USH2A: variants seen among roughly 807,000 people sequenced by gnomAD.
USH2A encodes usherin.
USH2A carries 443 observed loss-of-function variants against 538.9 expected under a neutral mutation model. The ratio of observed to expected loss-of-function variants is 0.82; its 90% CI spans 0.76 to 0.89. USH2A has a LOEUF of 0.89. USH2A is among the 40% of genes least tolerant of loss of function. The pLI, the probability that USH2A is intolerant of heterozygous loss-of-function variation, is 0.00. For missense variants in USH2A, 6,633 were observed against 6,324.8 expected (o/e 1.05, Z -1.65); for synonymous variants, 2,413 against 2,273.5 (o/e 1.06, Z -1.75).
intron 21 of USH2A, among the ~76,000 whole-genome samples, chr1:216,155,882 T>G (rs1481151462): frequency 2.0e-5 from 3 of 152,170 alleles, no homozygotes; most frequent in Non-Finnish European, 4.4e-5. Context: ...TTTGCAGACA[T>G]TCTATAAATA....
chr1:216,051,128 TTC>T lies in USH2A; in HGVS notation c.6050-2483_6050-2482del, dbSNP rs541995407. Among the ~76,000 whole-genome samples the T allele has an allele frequency of 8.3e-4, 126 of 152,270 alleles. 1 individual carries two copies. The Middle Eastern group carries it at 0.014, about 16-fold the overall frequency. On this transcript the variant is annotated intron_variant, in intron 30 of 71. Coordinates refer to ENST00000307340, the MANE Select transcript of USH2A (RefSeq NM_206933.4). ...TCTCAAGATTGGGTTGTTGTCAAGC[TTC>T]TTTCTTTTTCTAAACACTCGCCTTT...
intron 9 of USH2A, among the ~76,000 whole-genome samples, chr1:216,309,473 T>C (rs528418476): frequency 2.6e-5 from 4 of 152,256 alleles, no homozygotes; most frequent in African/African-American, 4.8e-5. Flanking sequence ...TTTGTTGTGA[T>C]TGTTTATTTA....
At chr1:216,297,572 A>C (rs529902959) in intron 9 of USH2A, among the ~76,000 whole-genome samples, 4 of 152,252 alleles carry the variant, frequency 2.6e-5, no homozygotes, top group African/African-American at 9.6e-5. Context: ...AGAGGGGTAA[A>C]AATCCAACAG....
rs189269637 is a variant in USH2A, at chr1:216,127,243, G to A, written c.4628-30030C>T. On this transcript the variant is annotated intron_variant, in intron 21 of 71. Coordinates refer to ENST00000307340, the MANE Select transcript of USH2A (RefSeq NM_206933.4). ...AAGCTATGCTCAAGTTCTTCTTAAC[G>A]GCATTAGAATTGACAATGGCCAAAC... Among the ~76,000 whole-genome samples, 544 of 152,264 alleles carry A rather than the reference G, an allele frequency of 3.6e-3. 1 individual carries two copies. The highest frequency in any genetic ancestry group is 4.6e-3 in the Admixed American group (71 of 15,290).
intron 9 of USH2A, among the ~76,000 whole-genome samples, chr1:216,318,809 C>T (rs1409419271): frequency 6.6e-6 from 1 of 152,154 alleles, no homozygotes; most frequent in Non-Finnish European, 1.5e-5. Context: ...ATCCAACATT[C>T]ACCACCTGAG....
chr1:215,671,394 A>G, intron 63 of USH2A, 101 bp from the exon 64 acceptor site: 1 of 1,189,528 alleles, frequency 8.4e-7, no homozygotes, highest in East Asian at 2.5e-5. Context: ...ACAAGCTTAC[A>G]TGTATTCTTA....
At chr1:215,711,568 G>T (rs917678478) in intron 61 of USH2A, among the ~76,000 whole-genome samples, 1 of 152,058 alleles carries the variant, frequency 6.6e-6, no homozygotes, top group Non-Finnish European at 1.5e-5. Context: ...AACTCCTCAA[G>T]ACTTTTTTTT....
chr1:216,109,604 T>C (rs935155065), intron 21 of USH2A, among the ~76,000 whole-genome samples: 3 of 152,190 alleles, frequency 2.0e-5, no homozygotes, highest in Non-Finnish European at 4.4e-5. Flanking sequence ...AGTTTCTAAT[T>C]ATTTTATGAG....
intron 44 of USH2A, among the ~76,000 whole-genome samples, chr1:215,860,327 A>G (rs1664282885): frequency 1.3e-5 from 2 of 152,214 alleles, no homozygotes; most frequent in African/African-American, 4.8e-5. Context: ...TCAGCAAGCT[A>G]TGTTCCATGA....
Position 216,422,408 on chromosome 1 carries a change from C to A in USH2A, c.-72G>T, listed in dbSNP as rs1571806171. Reference sequence around the variant, plus strand: ...TAATCAGGCCCACGCCACTTGCCAGCAATACTTTGAAGCAGGGTACTTTAA... The same window carrying A: ...TAATCAGGCCCACGCCACTTGCCAGAAATACTTTGAAGCAGGGTACTTTAA... On this transcript the variant is annotated 5_prime_UTR_variant, in exon 2 of 72. Transcript: ENST00000307340. The A allele has an allele frequency of 3.7e-6, 6 of 1,603,038 alleles. No individual in the cohort carries two copies. The East Asian group carries it at 9.0e-5, about 24-fold the overall frequency.
intron 21 of USH2A, among the ~76,000 whole-genome samples, chr1:216,103,681 A>G (rs1221935691): frequency 1.3e-5 from 2 of 152,166 alleles, no homozygotes; most frequent in Non-Finnish European, 2.9e-5. Flanking sequence ...GACATGTAGA[A>G]TACATAAAAA....
chr1:216,111,111 C>T (rs1002214463), intron 21 of USH2A, among the ~76,000 whole-genome samples: 3 of 152,120 alleles, frequency 2.0e-5, no homozygotes, highest in Admixed American at 6.6e-5. Flanking sequence ...GTAATCCCAG[C>T]TACTCAGGAG....
At chr1:216,073,387 G>T (rs2031631665) in intron 27 of USH2A, 87 bp from the exon 28 acceptor site, 2 of 1,396,424 alleles carry the variant, frequency 1.4e-6, no homozygotes, top group Non-Finnish European at 2.0e-6. Flanking sequence ...ACTACATTTT[G>T]AGGAAGGGGG....
intron 32 of USH2A, among the ~76,000 whole-genome samples, chr1:216,015,689 G>T (rs1668692126): frequency 6.6e-6 from 1 of 152,258 alleles, no homozygotes; most frequent in Non-Finnish European, 1.5e-5. Context: ...TCTGTTTTCT[G>T]ACTTTTTAAT....
intron 64 of USH2A, among the ~76,000 whole-genome samples, chr1:215,667,256 A>C (rs1657634900): frequency 6.6e-6 from 1 of 152,176 alleles, no homozygotes; most frequent in African/African-American, 2.4e-5. Flanking sequence ...GGTGCTTGTG[A>C]TATCACATGG....
chr1:215,661,727 C>T (rs1657443132), intron 64 of USH2A, among the ~76,000 whole-genome samples: 1 of 152,006 alleles, frequency 6.6e-6, no homozygotes, highest in African/African-American at 2.4e-5. Flanking sequence ...AAATGGTGCC[C>T]CTTCATGTCT....
At chr1:216,320,801 TTG>T (rs1219038190) in intron 9 of USH2A, among the ~76,000 whole-genome samples, 13 of 152,160 alleles carry the variant, frequency 8.5e-5, no homozygotes, top group Admixed American at 7.2e-4. Context: ...TTGTAAATGT[TTG>T]TGTGTTAGGA....
intron 21 of USH2A, among the ~76,000 whole-genome samples, chr1:216,113,450 C>T (rs899298351): frequency 6.6e-5 from 10 of 152,146 alleles, no homozygotes; most frequent in Non-Finnish European, 1.3e-4. Context: ...TTTCTAGCAT[C>T]AGGAATAGTT....
At chr1:216,360,151 G>A (rs2038464389) in intron 4 of USH2A, among the ~76,000 whole-genome samples, 1 of 152,084 alleles carries the variant, frequency 6.6e-6, no homozygotes, top group Non-Finnish European at 1.5e-5. Flanking sequence ...AAACTTGGAA[G>A]CAACCAAGAT....
Sources: allele counts gnomAD v4.1 joint callset (sites outside exome capture counted in the v4.1 genomes callset), GRCh38; gene constraint gnomAD v4.1.1; transcripts MANE v1.5; gene names NCBI Gene and HGNC (gene_info 2026-07-23, HGNC 2026-07-21).